Variants in PPEF2 observed in about 807,000 individuals in gnomAD.
PPEF2 encodes protein phosphatase with EF-hand domain 2.
Under a neutral mutation model 84.7 loss-of-function variants are expected in PPEF2, and 84 were observed. That is an observed-to-expected ratio of 0.99 (90% CI 0.83 to 1.19). PPEF2 has a LOEUF of 1.19. Among genes scored for constraint, PPEF2 ranks in the 50% most tolerant of loss-of-function variants. The pLI, the probability that PPEF2 is intolerant of heterozygous loss-of-function variation, is 0.00. For synonymous variants in PPEF2, 346 were observed against 345.2 expected (o/e 1.00, Z -0.03); for missense variants, 924 against 937.5 (o/e 0.99, Z 0.19).
chr4:75,896,269 A>G lies in PPEF2; in HGVS notation c.55+2T>C, dbSNP rs769495464. On this transcript the variant is annotated splice_donor_variant, in intron 2 of 16. Transcript: ENST00000286719. LOFTEE classifies it high-confidence loss of function. Reference sequence around the variant, plus strand: ...CTGGTTTGGAAAGTGGGAAACACGTACCTCTCTCTGCATTCTGGAAAGCAA... The same window carrying G: ...CTGGTTTGGAAAGTGGGAAACACGTGCCTCTCTCTGCATTCTGGAAAGCAA... 2 of 1,613,926 alleles carry G rather than the reference A, an allele frequency of 1.2e-6. No individual in the cohort carries two copies. Among genetic ancestry groups the G allele is most frequent in the Admixed American group, 3.3e-5 (2 of 60,022 alleles).
chr4:75,888,351 A>G (rs1724787705), intron 5 of PPEF2, 23 bp from the exon 6 acceptor site: 7 of 1,557,608 alleles, frequency 4.5e-6, no homozygotes, highest in Non-Finnish European at 6.2e-6. Flanking sequence ...AGAGGAGGGA[A>G]GGAAGAAAAC....
chr4:75,874,302 T>G (rs981948954), intron 11 of PPEF2, among the ~76,000 whole-genome samples: 4 of 141,544 alleles, frequency 2.8e-5, no homozygotes, highest in Admixed American at 7.0e-5. Context: ...TTTTCTTTTG[T>G]TTTTTTTTTT....
intron 12 of PPEF2, among the ~76,000 whole-genome samples, chr4:75,872,636 A>G (rs1222635255): frequency 1.3e-5 from 2 of 152,040 alleles, no homozygotes; most frequent in East Asian, 3.8e-4. Flanking sequence ...TAGATACTGT[A>G]TCTCTTCCTG....
chr4:75,887,032 G>A (rs1578012448), intron 6 of PPEF2, 134 bp from the exon 7 acceptor site: 1 of 475,764 alleles, frequency 2.1e-6, no homozygotes, highest in Non-Finnish European at 3.8e-6. Context: ...GTAAGATAAG[G>A]ATAAATATTA....
intron 15 of PPEF2, among the ~76,000 whole-genome samples, chr4:75,865,706 A>G (rs1447123424): frequency 3.9e-5 from 6 of 152,200 alleles, no homozygotes; most frequent in Non-Finnish European, 1.5e-5. Flanking sequence ...CTTTAAATGG[A>G]TGAATTGCAT....
intron 13 of PPEF2, 134 bp from the exon 14 acceptor site, chr4:75,867,553 T>C (rs775578173): frequency 9.7e-6 from 6 of 615,952 alleles, no homozygotes; most frequent in Non-Finnish European, 1.7e-5. Flanking sequence ...GGAGAGCGCC[T>C]TTACTCTTCC....
intron 15 of PPEF2, among the ~76,000 whole-genome samples, 155 bp from the exon 16 acceptor site, chr4:75,864,682 A>G (rs1029469662): frequency 6.6e-6 from 1 of 152,128 alleles, no homozygotes; most frequent in Non-Finnish European, 1.5e-5. Context: ...TCAGCCCATC[A>G]AATAATCTAG....
At chr4:75,894,184 G>A (rs1724956607) in intron 2 of PPEF2, among the ~76,000 whole-genome samples, 1 of 151,994 alleles carries the variant, frequency 6.6e-6, no homozygotes, top group South Asian at 2.1e-4. Flanking sequence ...ATAGAACAGA[G>A]AATTTTTTTG....
Position 75,864,546 on chromosome 4 carries a change from T to C in PPEF2, c.1921-19A>G. 6.4e-7 allele frequency: 1 copy of C among 1,572,352 alleles called. No individual in the cohort carries two copies. Among genetic ancestry groups the C allele is most frequent in the Non-Finnish European group, 8.8e-7 (1 of 1,142,306 alleles). ...GTATGTTCTGCAAGAAAAAATTCAT[T>C]TTCCTTCTTTGTCATACGTTTAGAC... On this transcript the variant is annotated intron_variant, in intron 15 of 16. Coordinates refer to ENST00000286719, the MANE Select transcript of PPEF2 (RefSeq NM_006239.3).
At chr4:75,887,548 G>A (rs1394812596) in intron 6 of PPEF2, among the ~76,000 whole-genome samples, 1 of 151,956 alleles carries the variant, frequency 6.6e-6, no homozygotes. Context: ...GTGAACCCGG[G>A]AGGCGGAGCT....
rs778475086 is a variant in PPEF2 at position 75,891,942 on chromosome 4, C to T, written c.92G>A (p.Arg31Gln). 10 of 1,613,974 alleles carry T rather than the reference C, an allele frequency of 6.2e-6. No individual in the cohort carries two copies. In the East Asian group the frequency reaches 1.3e-4, roughly 22 times the overall value. The part of the protein sequence containing the change: ...KAAALIQRWY[R>Q]RYVARLEMRR... ...CATCTCCAGGCGGGCCACGTAGCGC[C>T]GGTACCATCTCTGGATCAGGGCTGC... is the stretch of plus-strand genomic sequence containing the variant. The change falls in exon 3 of 17, where the codon CGG becomes CAG. Residue 31 changes from arginine (R) to glutamine (Q), a missense_variant. Arg to Gln is a conservative substitution (Grantham distance 43). Coordinates refer to ENST00000286719, the MANE Select transcript of PPEF2 (RefSeq NM_006239.3).
intron 2 of PPEF2, among the ~76,000 whole-genome samples, chr4:75,892,391 T>C (rs1724910684): frequency 6.6e-6 from 1 of 152,200 alleles, no homozygotes. Flanking sequence ...GACAATAGAC[T>C]GGATGTCAGG....
intron 12 of PPEF2, 118 bp from the exon 13 acceptor site, chr4:75,872,285 A>T: frequency 1.0e-6 from 1 of 983,940 alleles, no homozygotes; most frequent in Non-Finnish European, 1.4e-6. Context: ...CTCATCTGGG[A>T]ATCCTTTTCT....
intron 10 of PPEF2, chr4:75,881,984 T>G (rs1724585506): frequency 6.6e-6 from 1 of 152,238 alleles, no homozygotes; most frequent in Non-Finnish European, 1.5e-5. Flanking sequence ...TAGCAGCATT[T>G]CCTGTGTGGG....
chr4:75,861,614 G>GT (rs71210216), intron 16 of PPEF2, among the ~76,000 whole-genome samples: 16,305 of 86,148 alleles, frequency 0.19, 5,265 homozygotes, highest in African/African-American at 0.51. Flanking sequence ...TTATGCAACA[G>GT]TTTTTTTTTT....
Position 75,879,283 on chromosome 4 carries a change from G to A in PPEF2, c.934-2610C>T, listed in dbSNP as rs532832056. On this transcript the variant is annotated intron_variant, in intron 10 of 16. Transcript: ENST00000286719. ...TTGGAGGATTTTATATTAAGGTCTAGATTTTGCTTTAAAAGTCTCCTGAAA... is the reference window on the plus strand; with the variant it reads ...TTGGAGGATTTTATATTAAGGTCTAAATTTTGCTTTAAAAGTCTCCTGAAA... 7.9e-5 allele frequency among the ~76,000 whole-genome samples: 12 copies of A among 152,300 alleles called. No individual in the cohort carries two copies. The East Asian group carries it at 1.9e-3, about 24-fold the overall frequency.
chr4:75,877,175 T>TA (rs2149219172), intron 10 of PPEF2, among the ~76,000 whole-genome samples: 1 of 150,694 alleles, frequency 6.6e-6, no homozygotes, highest in South Asian at 2.1e-4. Context: ...CCATCTCTCC[T>TA]AAAAATACAA....
intron 13 of PPEF2, among the ~76,000 whole-genome samples, chr4:75,868,539 G>A (rs1297344056): frequency 5.3e-5 from 8 of 151,988 alleles, no homozygotes. Flanking sequence ...CCTTAGAAGA[G>A]TGTGAACCTA....
chr4:75,881,960 T>C (rs1724584427), intron 10 of PPEF2: 1 of 152,240 alleles, frequency 6.6e-6, no homozygotes, highest in Admixed American at 6.5e-5. Context: ...AGGAAAATGT[T>C]GTCATGGATG....
Sources: gnomAD v4.1 joint callset for allele counts (sites outside exome capture counted in the v4.1 genomes callset) on GRCh38, gnomAD v4.1.1 for gene constraint, MANE v1.5 for transcripts, NCBI Gene and HGNC (gene_info 2026-07-23, HGNC 2026-07-21) for gene names.